REDIC1: variants seen among roughly 807,000 people sequenced by gnomAD.
The protein encoded by REDIC1 is HEI10 Interacting Protein 1.
At chr12:39,765,054 C>G in the REDIC1 span, among the ~76,000 whole-genome samples, 2 of 152,026 alleles carry the variant, frequency 1.3e-5, no homozygotes, top group South Asian at 2.1e-4. Flanking sequence ...AAGTATAATT[C>G]AAGAGCAAAA....
At chr12:39,720,921 C>G in the REDIC1 span, 5 of 1,613,584 alleles carry the variant, frequency 3.1e-6, no homozygotes, top group Non-Finnish European at 3.4e-6. Flanking sequence ...TTGTTAAAAA[C>G]GATGACAAAA....
chr12:39,635,552 C>A, the REDIC1 span, among the ~76,000 whole-genome samples: 3 of 146,742 alleles, frequency 2.0e-5, no homozygotes, highest in Non-Finnish European at 4.5e-5. Context: ...GACAGAAAAC[C>A]AAACACCACA....
chr12:39,682,499 T>C, the REDIC1 span: 9 of 593,972 alleles, frequency 1.5e-5, no homozygotes, highest in Non-Finnish European at 2.3e-5. Flanking sequence ...AAACATAGTC[T>C]AGGTAAATGT....
the REDIC1 span, among the ~76,000 whole-genome samples, chr12:39,837,977 C>A: frequency 5.3e-5 from 8 of 151,040 alleles, no homozygotes; most frequent in Admixed American, 2.0e-4. Flanking sequence ...TTGACCCAGC[C>A]ATCCCATTAC....
chr12:39,891,646 C>T, the REDIC1 span, among the ~76,000 whole-genome samples: 187 of 152,218 alleles, frequency 1.2e-3, no homozygotes, highest in Non-Finnish European at 2.2e-4. Context: ...TGCTGACAAT[C>T]CTTAAGGTAT....
the REDIC1 span, among the ~76,000 whole-genome samples, chr12:39,839,370 A>T: frequency 6.6e-6 from 1 of 152,086 alleles, no homozygotes; most frequent in South Asian, 2.1e-4. Flanking sequence ...AGAATAAAAA[A>T]AAATCTTAGA....
chr12:39,770,811 C>G, the REDIC1 span, among the ~76,000 whole-genome samples: 1 of 152,120 alleles, frequency 6.6e-6, no homozygotes, highest in Non-Finnish European at 1.5e-5. Flanking sequence ...ATCCACTTCT[C>G]TTAGGTCCTT....
the REDIC1 span, among the ~76,000 whole-genome samples, chr12:39,731,058 C>A: frequency 6.6e-6 from 1 of 152,090 alleles, no homozygotes; most frequent in Non-Finnish European, 1.5e-5. Context: ...TTCCTCTAAC[C>A]TTTTTTCAAG....
At chr12:39,713,286 GTA>G in the REDIC1 span, among the ~76,000 whole-genome samples, 1 of 27,074 alleles carries the variant, frequency 3.7e-5, no homozygotes, top group East Asian at 7.9e-4. Context: ...ACACATACGT[GTA>G]TATATGTGTA....
the REDIC1 span, among the ~76,000 whole-genome samples, chr12:39,707,163 G>GA: frequency 5.3e-5 from 8 of 151,804 alleles, no homozygotes; most frequent in South Asian, 2.1e-4. Context: ...AACTGTATAG[G>GA]AAAAAATCTA....
the REDIC1 span, among the ~76,000 whole-genome samples, chr12:39,726,285 A>G: frequency 6.6e-6 from 1 of 151,830 alleles, no homozygotes; most frequent in African/African-American, 2.4e-5. Context: ...TACATTAGGT[A>G]TTTCTCCTAA....
At chr12:39,866,823 T>A in the REDIC1 span, among the ~76,000 whole-genome samples, 2 of 152,200 alleles carry the variant, frequency 1.3e-5, no homozygotes, top group Non-Finnish European at 2.9e-5. Flanking sequence ...TATGCTATGA[T>A]TATTATTACA....
At chr12:39,848,559 T>C in the REDIC1 span, among the ~76,000 whole-genome samples, 2 of 152,200 alleles carry the variant, frequency 1.3e-5, no homozygotes, top group Admixed American at 1.3e-4. Context: ...AAGGGAATGC[T>C]AATATACTGT....
chr12:39,660,810 C>T, the REDIC1 span, among the ~76,000 whole-genome samples: 1 of 152,090 alleles, frequency 6.6e-6, no homozygotes, highest in Non-Finnish European at 1.5e-5. Flanking sequence ...CCCCTCCCTT[C>T]CCTCTGCACA....
the REDIC1 span, among the ~76,000 whole-genome samples, chr12:39,839,431 T>C: frequency 6.6e-6 from 1 of 152,092 alleles, no homozygotes; most frequent in Non-Finnish European, 1.5e-5. Flanking sequence ...GGCCTACTGG[T>C]ACTAATTTCA....
the REDIC1 span, among the ~76,000 whole-genome samples, chr12:39,710,488 C>T: frequency 6.6e-6 from 1 of 151,766 alleles, no homozygotes; most frequent in African/African-American, 2.4e-5. Flanking sequence ...CATCATCTCA[C>T]TTCTCTTTAA....
chr12:39,694,098 A>G, the REDIC1 span, among the ~76,000 whole-genome samples: 4 of 152,100 alleles, frequency 2.6e-5, no homozygotes, highest in Non-Finnish European at 4.4e-5. Flanking sequence ...TTTTTCTGTG[A>G]ATTCTCTATT....
chr12:39,694,226 G>A, the REDIC1 span, among the ~76,000 whole-genome samples: 17 of 152,000 alleles, frequency 1.1e-4, no homozygotes, highest in African/African-American at 3.6e-4. Flanking sequence ...GACACCCACT[G>A]CAAGCGCACC....
the REDIC1 span, among the ~76,000 whole-genome samples, chr12:39,762,806 A>G: frequency 1.3e-5 from 2 of 152,076 alleles, no homozygotes; most frequent in Non-Finnish European, 2.9e-5. Context: ...AGTAGACCAA[A>G]TGGACCAGTG....
Sources: allele counts gnomAD v4.1 joint callset (sites outside exome capture counted in the v4.1 genomes callset), GRCh38; gene constraint gnomAD v4.1.1; transcripts MANE v1.5; gene names NCBI Gene and HGNC (gene_info 2026-07-23, HGNC 2026-07-21).